SLC9A1: variants seen among roughly 807,000 people sequenced by gnomAD.
The protein encoded by SLC9A1 is sodium/hydrogen exchanger 1.
A neutral mutation model predicts 67.9 loss-of-function variants in SLC9A1; 22 were observed. The observed-to-expected ratio is 0.32, with a 90% confidence interval of 0.23 to 0.46. The LOEUF (loss-of-function observed/expected upper bound fraction) is 0.46, where lower values mean the gene tolerates loss of function less well. Among genes scored for constraint, SLC9A1 ranks in the 20% least tolerant of loss-of-function variants. SLC9A1 has a pLI of 1.00. For missense variants in SLC9A1, 686 were observed against 1,094.8 expected (o/e 0.63, Z 5.27); for synonymous variants, 421 against 471.8 (o/e 0.89, Z 1.40).
rs1345734400 is a variant in SLC9A1, at chr1:27,109,868, G to A, written c.814-91C>T. On this transcript the variant is annotated intron_variant, in intron 2 of 11. Coordinates refer to ENST00000263980, the MANE Select transcript of SLC9A1 (RefSeq NM_003047.5). The surrounding 1 kb of genome is among the most constrained non-coding windows in gnomAD (Gnocchi z 5.5). Reference sequence around the variant, plus strand: ...CACCCAGGGCAATCCTGTCCCCTCCGTTAACCATGGCCACAAGAAGAGGCC... The same window carrying A: ...CACCCAGGGCAATCCTGTCCCCTCCATTAACCATGGCCACAAGAAGAGGCC... 45 of 1,440,118 alleles carry A rather than the reference G, an allele frequency of 3.1e-5. No individual in the cohort carries two copies. The highest frequency in any genetic ancestry group is 2.5e-4 in the Middle Eastern group (1 of 4,074). The allele number at this position is 1,440,118 out of a possible 1,614,324, so 89.2% of individuals were successfully genotyped here.
At chr1:27,104,270 C>G (rs1483286050) in intron 5 of SLC9A1, among the ~76,000 whole-genome samples, 4 of 152,052 alleles carry the variant, frequency 2.6e-5, no homozygotes, top group Non-Finnish European at 5.9e-5. Flanking sequence ...TTAGTAGAAA[C>G]AGGGTTTCAC....
chr1:27,115,918 C>T (rs1020261936), intron 1 of SLC9A1, among the ~76,000 whole-genome samples: 2 of 152,116 alleles, frequency 1.3e-5, no homozygotes, highest in African/African-American at 2.4e-5. Context: ...CCAAGATTTC[C>T]GATAACCTGC....
chr1:27,127,208 C>T (rs1462831618), intron 1 of SLC9A1, among the ~76,000 whole-genome samples: 1 of 152,106 alleles, frequency 6.6e-6, no homozygotes, highest in Non-Finnish European at 1.5e-5. Context: ...TGCCATGTTG[C>T]CCAGGCTGGT....
rs150665977 is a variant in SLC9A1 at position 27,118,591 on chromosome 1, G to A, written c.353-4305C>T. 3.3e-5 allele frequency among the ~76,000 whole-genome samples: 5 copies of A among 152,274 alleles called. No homozygotes were observed. The East Asian group carries it at 9.7e-4, about 29-fold the overall frequency. On this transcript the variant is annotated intron_variant, in intron 1 of 11. Transcript: ENST00000263980. The surrounding 1 kb of genome is among the most constrained non-coding windows in gnomAD (Gnocchi z 4.3). ...TGGTACCCTGACAAAAGCCCTGCAT[G>A]GAGGCAAGATCCCAGGATGCCAAGA...
Position 27,109,744 on chromosome 1 carries a change from A to G in SLC9A1, c.847T>C (p.Tyr283His), listed in dbSNP as rs746860748. 1 of 1,614,088 alleles carries G rather than the reference A, an allele frequency of 6.2e-7. No individual in the cohort carries two copies. The highest frequency in any genetic ancestry group is 1.7e-5 in the Admixed American group (1 of 60,018). Residue 283 changes from tyrosine (Y) to histidine (H), a missense_variant, in exon 3 of 12, where the codon TAC becomes CAC. Physicochemically the swap from Tyr to His is moderately conservative, Grantham distance 83. This residue lies in a region of SLC9A1 where 58 missense variants were observed against 68.9 expected (regional missense o/e 0.84). Coordinates refer to ENST00000263980, the MANE Select transcript of SLC9A1 (RefSeq NM_003047.5). The surrounding 1 kb of genome is among the most constrained non-coding windows in gnomAD (Gnocchi z 5.5). ...ATGTCCACGATGCCCACGTGTTCGT[A>G]GTTGGCAAACTCCTCAAAGAGGTGA... ...LYHLFEEFANYEHVGIVDIFL... is the reference protein window; with the variant it reads ...LYHLFEEFANHEHVGIVDIFL...
In SLC9A1 at chr1:27,109,742, G is replaced by A. The variant is rs779052020; in HGVS notation, c.849C>T (p.Tyr283=). 14 of 1,613,944 alleles carry A rather than the reference G, an allele frequency of 8.7e-6. No individual in the cohort carries two copies. The highest frequency in any genetic ancestry group is 4.5e-5 in the East Asian group (2 of 44,892). The part of the protein sequence containing the change: ...LYHLFEEFAN[Y]EHVGIVDIFL... ...AGATGTCCACGATGCCCACGTGTTC[G>A]TAGTTGGCAAACTCCTCAAAGAGGT... Residue 283 remains tyrosine, a synonymous_variant, in exon 3 of 12, where the codon TAC becomes TAT. Coordinates refer to ENST00000263980, the MANE Select transcript of SLC9A1 (RefSeq NM_003047.5). The surrounding 1 kb of genome is among the most constrained non-coding windows in gnomAD (Gnocchi z 5.5).
intron 1 of SLC9A1, among the ~76,000 whole-genome samples, chr1:27,116,574 A>G (rs533889213): frequency 7.2e-5 from 11 of 152,330 alleles, no homozygotes; most frequent in Admixed American, 3.3e-4. Flanking sequence ...CTTTTTGTTC[A>G]TCTACTTCCC....
At chr1:27,105,736 G>C in intron 5 of SLC9A1, 149 bp downstream of exon 5, 1 of 735,476 alleles carries the variant, frequency 1.4e-6, no homozygotes, top group Non-Finnish European at 2.5e-6. Context: ...GGCCCAGAAA[G>C]GGGGAGTGGC....
At chr1:27,116,451 T>G (rs1429307108) in intron 1 of SLC9A1, among the ~76,000 whole-genome samples, 1 of 152,118 alleles carries the variant, frequency 6.6e-6, no homozygotes, top group African/African-American at 2.4e-5. Context: ...CCAAGCACCC[T>G]GAAGACACTC....
At position 27,137,817 on chromosome 1, in the gene SLC9A1, T is replaced by G. The variant is rs1304550358; in HGVS notation, c.352+16166A>C. Reference sequence around the variant, plus strand: ...TGGCCAGCAGGAGTCCAGCAGAGCCTGGTGCCCACTCAGCCCCTCCCTCCC... The same window carrying G: ...TGGCCAGCAGGAGTCCAGCAGAGCCGGGTGCCCACTCAGCCCCTCCCTCCC... On this transcript the variant is annotated intron_variant, in intron 1 of 11. Transcript: ENST00000263980. The surrounding 1 kb of genome is among the most constrained non-coding windows in gnomAD (Gnocchi z 4.6). Among the ~76,000 whole-genome samples the G allele has an allele frequency of 6.6e-6, 1 of 152,194 alleles. No individual in the cohort carries two copies. The highest frequency in any genetic ancestry group is 1.5e-5 in the Non-Finnish European group (1 of 68,018).
rs377230525 is a variant in SLC9A1, at chr1:27,137,863, G to A, written c.352+16120C>T. Among the ~76,000 whole-genome samples, 11 of 152,034 alleles carry A rather than the reference G, an allele frequency of 7.2e-5. No individual in the cohort carries two copies. The highest frequency in any genetic ancestry group is 2.7e-4 in the African/African-American group (11 of 41,382). On this transcript the variant is annotated intron_variant, in intron 1 of 11. Coordinates refer to ENST00000263980, the MANE Select transcript of SLC9A1 (RefSeq NM_003047.5). This position sits in a 1 kb window ranked among gnomAD's most constrained non-coding sequence, Gnocchi z 4.6. The stretch of plus-strand genomic sequence containing the variant: ...CTCCCCAATGTGCCCCTGACTCCAC[G>A]CCCACTCTGCTCCAGCGTCCTGCTC...
Position 27,101,686 on chromosome 1 carries a change from G to C in SLC9A1, c.2037+39C>G. On this transcript the variant is annotated intron_variant, in intron 10 of 11. Transcript: ENST00000263980. The surrounding 1 kb of genome is among the most constrained non-coding windows in gnomAD (Gnocchi z 4.9). ...AGGCTGTGGCGGAGCTTGGGCGAGT[G>C]GGGTGGGATACAGATTCCCAGAGGA... is the stretch of plus-strand genomic sequence containing the variant. 7.1e-7 allele frequency: 1 copy of C among 1,414,804 alleles called. No homozygotes were observed. Among genetic ancestry groups the C allele is most frequent in the Middle Eastern group, 1.7e-4 (1 of 5,718 alleles). 87.6% of individuals were successfully genotyped at this position (1,414,804 alleles called of 1,614,324 possible). A position where few individuals can be genotyped will look rare whatever the true frequency, so the allele number is the denominator to read the frequency against.
intron 1 of SLC9A1, among the ~76,000 whole-genome samples, chr1:27,122,144 C>A (rs1241576281): frequency 6.6e-6 from 1 of 151,934 alleles, no homozygotes; most frequent in African/African-American, 2.4e-5. Context: ...AACAAAAAAC[C>A]CCAGTGCAGG....
At chr1:27,140,543 CA>C (rs996788068) in intron 1 of SLC9A1, among the ~76,000 whole-genome samples, 1 of 152,126 alleles carries the variant, frequency 6.6e-6, no homozygotes, top group Non-Finnish European at 1.5e-5. Context: ...ACAATGTGCT[CA>C]GGGCTTTACA....
chr1:27,116,653 G>C (rs894450642), intron 1 of SLC9A1, among the ~76,000 whole-genome samples: 1 of 152,146 alleles, frequency 6.6e-6, no homozygotes, highest in Non-Finnish European at 1.5e-5. Context: ...TCTTTGTACT[G>C]TCCACCAGTC....
Position 27,102,097 on chromosome 1 carries a change from G to A in SLC9A1, c.1854C>T (p.Arg618=). The change falls in exon 9 of 12, where the codon CGC becomes CGT. Residue 618 remains arginine (R), a synonymous_variant. Transcript: ENST00000263980. ...TGTCCTTGGACAGTGCTGGCAGGATGCGCTCGGAAGGCAGGGACTTGGGGT... is the reference window on the plus strand; with the variant it reads ...TGTCCTTGGACAGTGCTGGCAGGATACGCTCGGAAGGCAGGGACTTGGGGT... ...NIHPKSLPSE[R]ILPALSKDKE... is the part of the protein sequence containing the mutation. The A allele has an allele frequency of 6.2e-7, 1 of 1,614,040 alleles. No homozygotes were observed. The highest frequency in any genetic ancestry group is 8.5e-7 in the Non-Finnish European group (1 of 1,179,968).
intron 2 of SLC9A1, among the ~76,000 whole-genome samples, chr1:27,111,534 G>A (rs536593021): frequency 6.6e-5 from 10 of 152,248 alleles, no homozygotes; most frequent in Middle Eastern, 3.4e-3. Context: ...AGTGGCTCAC[G>A]CCTGTAATCT....
chr1:27,123,985 G>A (rs143197125), intron 1 of SLC9A1, among the ~76,000 whole-genome samples: 69 of 152,222 alleles, frequency 4.5e-4, no homozygotes, highest in South Asian at 1.0e-3. Flanking sequence ...TGCCACGCCC[G>A]GCTAATTTTG....
chr1:27,154,023 C>T lies in SLC9A1; in HGVS notation c.312G>A (p.Glu104=). ...IDYTHVRTPF[E]ISLWILLACL... ...AGGCCAGAAGGATCCAGAGGGAGAT[C>T]TCGAAGGGGGTGCGCACGTGTGTGT... Residue 104 remains glutamate (E), a synonymous_variant, in exon 1 of 12, where the codon GAG becomes GAA. Coordinates refer to ENST00000263980, the MANE Select transcript of SLC9A1 (RefSeq NM_003047.5). 2 of 1,591,854 alleles carry T rather than the reference C, an allele frequency of 1.3e-6. No individual in the cohort carries two copies. The highest frequency in any genetic ancestry group is 2.2e-5 in the East Asian group (1 of 44,510).
Sources: allele counts gnomAD v4.1 joint callset (sites outside exome capture counted in the v4.1 genomes callset), GRCh38; gene constraint gnomAD v4.1.1; regional missense constraint gnomAD v4.1.1; non-coding constraint Gnocchi (gnomAD v3.1); transcripts MANE v1.5; gene names NCBI Gene and HGNC (gene_info 2026-07-23, HGNC 2026-07-21).